Variants in AKAP12 observed in about 807,000 individuals in gnomAD.
AKAP12 encodes the protein A-kinase anchor protein 12.
Under a neutral mutation model 79.9 loss-of-function variants are expected in AKAP12, and 32 were observed. The observed-to-expected ratio is 0.40, with a 90% CI of 0.30 to 0.54. The LOEUF is 0.54. Ranked by LOEUF, AKAP12 falls within the 20% of genes least tolerant of loss-of-function variation. The probability of loss-of-function intolerance (pLI) is 0.48; values close to 1 mark genes in which losing one functional copy is unlikely to be tolerated. For synonymous variants in AKAP12, 808 were observed against 857.0 expected (o/e 0.94, Z 1.00); for missense variants, 2,074 against 2,177.0 (o/e 0.95, Z 0.94).
At chr6:151,324,056 C>T (rs1446191272) in intron 3 of AKAP12, 2 of 985,294 alleles carry the variant, frequency 2.0e-6, no homozygotes, top group African/African-American at 3.5e-5. Context: ...GCCAAGTTGC[C>T]CTGCCCCCTT....
At position 151,352,355 on chromosome 6, in the gene AKAP12, C is replaced by A. The variant is rs374755756; in HGVS notation, c.3964C>A (p.Leu1322Met). The change falls in exon 4 of 5, where the codon CTG (leucine) becomes ATG (methionine). Residue 1322 changes from leucine to methionine, a missense_variant. Coordinates refer to ENST00000402676, the MANE Select transcript of AKAP12 (RefSeq NM_005100.4). ...AECKKDDALE[L>M]QSHAKSPPSP... is the part of the protein sequence containing the mutation. ...ATGTAAAAAGGATGATGCTCTTGAA[C>A]TGCAGAGTCACGCTAAGTCTCCTCC... 3 of 1,614,096 alleles carry A rather than the reference C, an allele frequency of 1.9e-6. No homozygotes were observed. The highest frequency in any genetic ancestry group is 1.7e-5 in the Admixed American group (1 of 60,000).
intron 4 of AKAP12, among the ~76,000 whole-genome samples, chr6:151,355,517 G>A (rs941834214): frequency 1.3e-5 from 2 of 151,302 alleles, no homozygotes; most frequent in Non-Finnish European, 2.9e-5. Flanking sequence ...TGGCCAGGAT[G>A]GTCTCGATCT....
intron 3 of AKAP12, chr6:151,324,109 T>TCA: frequency 1.0e-6 from 1 of 985,368 alleles, no homozygotes; most frequent in Non-Finnish European, 1.2e-6. Context: ...CAGCAGCATT[T>TCA]CACACACACC....
intron 3 of AKAP12, among the ~76,000 whole-genome samples, chr6:151,340,353 G>T (rs1166096651): frequency 6.6e-6 from 1 of 151,382 alleles, no homozygotes; most frequent in Non-Finnish European, 1.5e-5. Context: ...TATGCATAAA[G>T]TTGCTGTAAA....
At chr6:151,342,758 C>G (rs537178855) in intron 3 of AKAP12, among the ~76,000 whole-genome samples, 2 of 152,280 alleles carry the variant, frequency 1.3e-5, no homozygotes, top group African/African-American at 4.8e-5. Context: ...ACTGAACTAT[C>G]AATAGCTGTT....
At chr6:151,345,965 A>AGAGAGAGAGAGAGAGAGAGAG (rs1562750514) in intron 3 of AKAP12, among the ~76,000 whole-genome samples, 1 of 125,300 alleles carries the variant, frequency 8.0e-6, no homozygotes, top group African/African-American at 3.4e-5. Flanking sequence ...GAGAGAGAGA[A>AGAGAGAGAGAGAGAGAGAGAG]AGGAGAGACA....
chr6:151,291,638 C>CA (rs1358520526), intron 2 of AKAP12, among the ~76,000 whole-genome samples: 1 of 152,212 alleles, frequency 6.6e-6, no homozygotes, highest in East Asian at 1.9e-4. Flanking sequence ...GCACACACGT[C>CA]AGAGAAAGCC....
rs111926354 is a variant in AKAP12 at position 151,303,807 on chromosome 6, A to G, written c.163-1940A>G. 3.1e-3 allele frequency among the ~76,000 whole-genome samples: 475 copies of G among 152,352 alleles called. 5 individuals carry two copies. The highest frequency in any genetic ancestry group is 0.011 in the African/African-American group (449 of 41,582). On this transcript the variant is annotated intron_variant, in intron 2 of 4. Coordinates refer to ENST00000402676, the MANE Select transcript of AKAP12 (RefSeq NM_005100.4). Reference sequence around the variant, plus strand: ...TATCTTTGTAATTGTGTGTAGTAACAGGACCTTCAAAACATGGCACCTATC... The same window carrying G: ...TATCTTTGTAATTGTGTGTAGTAACGGGACCTTCAAAACATGGCACCTATC...
At chr6:151,277,663 G>A (rs1659902195) in intron 2 of AKAP12, among the ~76,000 whole-genome samples, 1 of 151,950 alleles carries the variant, frequency 6.6e-6, no homozygotes, top group Non-Finnish European at 1.5e-5. Context: ...TATTTTCTTT[G>A]GTAATCTTTT....
chr6:151,267,833 C>T (rs1171245348), intron 2 of AKAP12, among the ~76,000 whole-genome samples: 2 of 152,128 alleles, frequency 1.3e-5, no homozygotes, highest in Admixed American at 1.3e-4. Flanking sequence ...GTGAAAGGTT[C>T]CATGGAAGGT....
intron 2 of AKAP12, among the ~76,000 whole-genome samples, chr6:151,248,877 C>T (rs1403554132): frequency 6.6e-6 from 1 of 151,962 alleles, no homozygotes; most frequent in Non-Finnish European, 1.5e-5. Flanking sequence ...ATCCCAGCTA[C>T]TCGGGAGGCT....
chr6:151,291,286 C>T (rs568237022), intron 2 of AKAP12, among the ~76,000 whole-genome samples: 3 of 152,252 alleles, frequency 2.0e-5, no homozygotes, highest in South Asian at 2.1e-4. Context: ...TATTACCCCT[C>T]GTTCTATAGG....
At chr6:151,263,235 A>T (rs142270005) in intron 2 of AKAP12, among the ~76,000 whole-genome samples, 30 of 152,104 alleles carry the variant, frequency 2.0e-4, no homozygotes, top group African/African-American at 6.7e-4. Flanking sequence ...GGGTCTTGCT[A>T]TGTTGCCCAG....
chr6:151,264,920 G>A (rs1313825359), intron 2 of AKAP12, among the ~76,000 whole-genome samples: 3 of 152,110 alleles, frequency 2.0e-5, no homozygotes, highest in Non-Finnish European at 4.4e-5. Flanking sequence ...CGGAGGCTGA[G>A]GTGGGCAGAT....
At chr6:151,321,903 G>GTTGTTGT (rs1554329714) in intron 3 of AKAP12, among the ~76,000 whole-genome samples, 3 of 67,358 alleles carry the variant, frequency 4.5e-5, no homozygotes, top group African/African-American at 1.8e-4. Flanking sequence ...TCAGCTTTAT[G>GTTGTTGT]TTTTTTTTTT....
intron 2 of AKAP12, among the ~76,000 whole-genome samples, chr6:151,265,096 A>T (rs1336621674): frequency 5.3e-5 from 8 of 151,930 alleles, no homozygotes; most frequent in African/African-American, 1.9e-4. Flanking sequence ...GGTTGCAGTG[A>T]GCCAAGATCA....
chr6:151,299,598 T>C (rs1322328288), intron 2 of AKAP12, among the ~76,000 whole-genome samples: 1 of 152,190 alleles, frequency 6.6e-6, no homozygotes, highest in Non-Finnish European at 1.5e-5. Context: ...TTTAAACACA[T>C]AAAAGAATCA....
intron 2 of AKAP12, among the ~76,000 whole-genome samples, chr6:151,263,389 G>A (rs1430447505): frequency 2.0e-5 from 3 of 152,042 alleles, no homozygotes; most frequent in East Asian, 3.9e-4. Flanking sequence ...AGGTAACTTA[G>A]TGGCAGGAGA....
intron 3 of AKAP12, among the ~76,000 whole-genome samples, chr6:151,342,368 G>A (rs1318976079): frequency 6.6e-6 from 1 of 152,176 alleles, no homozygotes; most frequent in Non-Finnish European, 1.5e-5. Context: ...AACAGCGCGG[G>A]TACAGATATA....
Sources: allele counts gnomAD v4.1 joint callset (sites outside exome capture counted in the v4.1 genomes callset), GRCh38; gene constraint gnomAD v4.1.1; transcripts MANE v1.5; gene names NCBI Gene and HGNC (gene_info 2026-07-23, HGNC 2026-07-21).